The following VTI1A variants were observed in gnomAD, a reference collection of about 807,000 sequenced individuals.
VTI1A encodes vesicle transport through interaction with t-SNAREs homolog 1A.
In VTI1A, 22 loss-of-function variants were observed where a neutral mutation model predicts 34.9. The observed-to-expected ratio is 0.63, with a 90% CI of 0.45 to 0.90. The LOEUF (loss-of-function observed/expected upper bound fraction) is 0.90, where lower values mean the gene tolerates loss of function less well. VTI1A is among the 40% of genes least tolerant of loss of function. The pLI is 0.00. For synonymous variants in VTI1A, 87 were observed against 97.3 expected (o/e 0.89, Z 0.62); for missense variants, 268 against 275.6 (o/e 0.97, Z 0.20).
At chr10:112,852,775 T>TTTTG in the VTI1A span, among the ~76,000 whole-genome samples, 19 of 152,052 alleles carry the variant, frequency 1.2e-4, no homozygotes, top group African/African-American at 3.4e-4. Flanking sequence ...TTTTGTTTTG[T>TTTTG]TTTGTTTGTT....
chr10:112,643,164 CTT>C (rs71035393), intron 5 of VTI1A, among the ~76,000 whole-genome samples: 1 of 126,500 alleles, frequency 7.9e-6, no homozygotes, highest in Admixed American at 8.4e-5. Context: ...TTTTTTTTTT[CTT>C]TTTTTTTTTT....
downstream of VTI1A, among the ~76,000 whole-genome samples, chr10:112,823,241 T>G (rs1853686039): frequency 1.3e-5 from 2 of 152,196 alleles, no homozygotes; most frequent in African/African-American, 4.8e-5. Flanking sequence ...TGGCCCTACT[T>G]CCAGGACTGG....
intron 5 of VTI1A, among the ~76,000 whole-genome samples, chr10:112,629,130 C>T (rs1473960088): frequency 1.3e-5 from 2 of 152,206 alleles, no homozygotes; most frequent in Non-Finnish European, 2.9e-5. Flanking sequence ...TCTGGGGTAA[C>T]AGGTGATGTT....
chr10:112,473,335 CTCTTGACCTCGTGA>C (rs1170095748), intron 3 of VTI1A, among the ~76,000 whole-genome samples: 1 of 152,082 alleles, frequency 6.6e-6, no homozygotes, highest in African/African-American at 2.4e-5. Context: ...TGGTCTTGAT[CTCTTGACCTCGTGA>C]TCCACCCACC....
chr10:112,619,063 G>T (rs908087050), intron 5 of VTI1A, among the ~76,000 whole-genome samples: 8 of 146,250 alleles, frequency 5.5e-5, no homozygotes, highest in African/African-American at 2.0e-4. Flanking sequence ...AGTAAACACA[G>T]TTTTTTTTTT....
chr10:112,645,880 T>C (rs559295783), intron 5 of VTI1A, among the ~76,000 whole-genome samples: 56 of 151,906 alleles, frequency 3.7e-4, no homozygotes, highest in Non-Finnish European at 7.1e-4. Flanking sequence ...TATCCATCCA[T>C]CCTAGAAGCA....
At chr10:112,806,099 C>T (rs1853065459) in intron 7 of VTI1A, among the ~76,000 whole-genome samples, 1 of 152,064 alleles carries the variant, frequency 6.6e-6, no homozygotes, top group Admixed American at 6.5e-5. Context: ...TGTGGCTCCT[C>T]AGTTCCTTGC....
At chr10:112,736,101 A>ATG (rs1176258933) in intron 7 of VTI1A, among the ~76,000 whole-genome samples, 1,336 of 126,980 alleles carry the variant, frequency 0.011, 24 homozygotes, top group East Asian at 0.031. Context: ...TTACATATAT[A>ATG]TGTGTGTGTG....
chr10:112,670,533 C>G (rs1847809931), intron 7 of VTI1A, among the ~76,000 whole-genome samples: 1 of 152,130 alleles, frequency 6.6e-6, no homozygotes, highest in Non-Finnish European at 1.5e-5. Flanking sequence ...TCTGCTTGAT[C>G]TACCTCACCC....
intron 5 of VTI1A, among the ~76,000 whole-genome samples, chr10:112,578,554 G>A (rs934927954): frequency 4.6e-5 from 7 of 152,150 alleles, no homozygotes; most frequent in Admixed American, 1.3e-4. Flanking sequence ...AGTTAGACAT[G>A]TAGACATAAA....
chr10:112,765,192 A>ATGTCTTGTTT (rs1851603795), intron 7 of VTI1A, among the ~76,000 whole-genome samples: 1 of 151,660 alleles, frequency 6.6e-6, no homozygotes, highest in African/African-American at 2.4e-5. Flanking sequence ...ACTAGTTTGT[A>ATGTCTTGTTT]TGTTTTGTTT....
At chr10:112,721,812 CCAA>C (rs1296811300) in intron 7 of VTI1A, among the ~76,000 whole-genome samples, 2 of 152,120 alleles carry the variant, frequency 1.3e-5, no homozygotes, top group East Asian at 1.9e-4. Flanking sequence ...ATTGATCTGT[CCAA>C]CAATGAAATG....
intron 7 of VTI1A, among the ~76,000 whole-genome samples, chr10:112,789,193 G>A (rs182015774): frequency 1.3e-5 from 2 of 151,840 alleles, no homozygotes; most frequent in Non-Finnish European, 2.9e-5. Context: ...TCAGCCTGAA[G>A]GACTTTATTT....
At chr10:112,634,500 GACACACACACACATACAC>G (rs1156836036) in intron 5 of VTI1A, among the ~76,000 whole-genome samples, 2 of 96,858 alleles carry the variant, frequency 2.1e-5, no homozygotes, top group African/African-American at 8.4e-5. Context: ...CACACACACA[GACACACACACACATACAC>G]ACACACACAC....
At chr10:112,680,443 C>A (rs1196211078) in intron 7 of VTI1A, among the ~76,000 whole-genome samples, 1 of 152,138 alleles carries the variant, frequency 6.6e-6, no homozygotes, top group East Asian at 1.9e-4. Context: ...GGACCAGAAC[C>A]CTGGTTTTAG....
intron 7 of VTI1A, among the ~76,000 whole-genome samples, chr10:112,784,245 G>A (rs41422452): frequency 5.3e-5 from 8 of 152,164 alleles, no homozygotes; most frequent in South Asian, 4.2e-4. Flanking sequence ...CAAATCTGCC[G>A]GTATATTCCT....
At chr10:112,624,629 G>A (rs754285190) in intron 5 of VTI1A, among the ~76,000 whole-genome samples, 11 of 152,060 alleles carry the variant, frequency 7.2e-5, no homozygotes, top group South Asian at 2.1e-4. Context: ...TCGAAGACAC[G>A]TAGGGTACTT....
chr10:112,717,251 A>G (rs2133933040), intron 7 of VTI1A, among the ~76,000 whole-genome samples: 1 of 152,328 alleles, frequency 6.6e-6, no homozygotes, highest in East Asian at 1.9e-4. Flanking sequence ...TTGGCTCCAA[A>G]TATGATGTGC....
At chr10:112,471,570 G>A (rs1014627960) in intron 3 of VTI1A, among the ~76,000 whole-genome samples, 11 of 151,894 alleles carry the variant, frequency 7.2e-5, no homozygotes, top group African/African-American at 2.7e-4. Context: ...TCAGAATCGA[G>A]TAACTAAGCA....
Sources: gnomAD v4.1 joint callset for allele counts (sites outside exome capture counted in the v4.1 genomes callset) on GRCh38, gnomAD v4.1.1 for gene constraint, MANE v1.5 for transcripts, NCBI Gene and HGNC (gene_info 2026-07-23, HGNC 2026-07-21) for gene names.